Variants in ROBO2 observed in about 807,000 individuals in gnomAD.
The protein encoded by ROBO2 is roundabout guidance receptor 2.
In ROBO2, 53 loss-of-function variants were observed where a neutral mutation model predicts 160.8. That is an observed-to-expected ratio of 0.33 (90% CI 0.26 to 0.41). ROBO2 has a LOEUF of 0.41. Among genes scored for constraint, ROBO2 ranks in the 10% least tolerant of loss-of-function variants. The pLI is 1.00. For missense variants in ROBO2, 1,577 were observed against 1,722.4 expected (o/e 0.92, Z 1.49); for synonymous variants, 664 against 611.7 (o/e 1.09, Z -1.26).
At chr3:77,145,522 G>A (rs2077049778) in intron 2 of ROBO2, among the ~76,000 whole-genome samples, 1 of 152,006 alleles carries the variant, frequency 6.6e-6, no homozygotes, top group Non-Finnish European at 1.5e-5. Flanking sequence ...ATGTTAACTA[G>A]GCTAGGTTAA....
chr3:76,111,617 G>A (rs932703562), intron 2 of ROBO2, among the ~76,000 whole-genome samples: 2 of 151,992 alleles, frequency 1.3e-5, no homozygotes, highest in African/African-American at 4.8e-5. Context: ...AAACTGTATA[G>A]TAGTTTTCAT....
chr3:77,368,964 C>A (rs1213936766), intron 2 of ROBO2, among the ~76,000 whole-genome samples: 1 of 152,172 alleles, frequency 6.6e-6, no homozygotes, highest in Non-Finnish European at 1.5e-5. Flanking sequence ...GCATTCACTA[C>A]TTACGGGGGT....
chr3:76,304,706 T>TTTTC, intron 2 of ROBO2, among the ~76,000 whole-genome samples: 1 of 146,332 alleles, frequency 6.8e-6, no homozygotes, highest in African/African-American at 2.6e-5. Context: ...TGTTGTTTTA[T>TTTTC]TTTCTTTCTC....
intron 2 of ROBO2, among the ~76,000 whole-genome samples, chr3:76,746,531 T>G (rs1160754267): frequency 1.3e-5 from 2 of 152,098 alleles, no homozygotes; most frequent in African/African-American, 4.8e-5. Flanking sequence ...CCATTCTAAT[T>G]GGTGTGAGAT....
At chr3:77,066,892 A>G (rs2066903318) in intron 1 of ROBO2, among the ~76,000 whole-genome samples, 1 of 152,078 alleles carries the variant, frequency 6.6e-6, no homozygotes, top group African/African-American at 2.4e-5. Context: ...TTAAAAATCA[A>G]CACCCATTTT....
At chr3:76,699,189 T>C (rs1251439394) in intron 2 of ROBO2, among the ~76,000 whole-genome samples, 3 of 152,300 alleles carry the variant, frequency 2.0e-5, no homozygotes, top group African/African-American at 7.2e-5. Context: ...GTGAATATAT[T>C]GAGATCTTTT....
intron 2 of ROBO2, among the ~76,000 whole-genome samples, chr3:76,019,611 T>C (rs2066510747): frequency 6.6e-6 from 1 of 151,962 alleles, no homozygotes; most frequent in Admixed American, 6.6e-5. Context: ...CTTTATGGTC[T>C]CCTCACATGG....
At chr3:76,894,497 T>C (rs1270868254) in intron 2 of ROBO2, among the ~76,000 whole-genome samples, 6 of 152,316 alleles carry the variant, frequency 3.9e-5, no homozygotes, top group East Asian at 3.9e-4. Context: ...TGTAATTTTC[T>C]TTCCATTAAG....
chr3:77,583,101 C>A (rs901290385), intron 16 of ROBO2, among the ~76,000 whole-genome samples: 7 of 145,920 alleles, frequency 4.8e-5, no homozygotes, highest in Non-Finnish European at 8.9e-5. Context: ...GAGATCGTGC[C>A]ACCACACTCC....
At chr3:76,715,195 A>G (rs1040709162) in intron 2 of ROBO2, among the ~76,000 whole-genome samples, 3 of 152,154 alleles carry the variant, frequency 2.0e-5, no homozygotes, top group Non-Finnish European at 4.4e-5. Context: ...GTGTTCCCAC[A>G]GGATCTTATT....
intron 8 of ROBO2, 132 bp from the exon 10 acceptor site, chr3:77,557,812 T>C (rs2153658516): frequency 2.8e-6 from 2 of 718,258 alleles, no homozygotes; most frequent in East Asian, 2.7e-5. Context: ...ACCAAGAATA[T>C]ACATATTGCT....
At chr3:77,411,628 A>G (rs1243947224) in intron 2 of ROBO2, among the ~76,000 whole-genome samples, 1 of 152,200 alleles carries the variant, frequency 6.6e-6, no homozygotes. Flanking sequence ...GGTAAATTGA[A>G]CTTCTCCATT....
At chr3:76,559,054 A>G (rs1399262654) in intron 2 of ROBO2, among the ~76,000 whole-genome samples, 1 of 152,100 alleles carries the variant, frequency 6.6e-6, no homozygotes, top group African/African-American at 2.4e-5. Context: ...ACAGCACACG[A>G]AACAGATGGT....
chr3:76,311,995 G>T (rs773508760), intron 2 of ROBO2, among the ~76,000 whole-genome samples: 6 of 152,124 alleles, frequency 3.9e-5, no homozygotes, highest in Non-Finnish European at 8.8e-5. Flanking sequence ...AAAAATTATC[G>T]TGAGATGGGA....
At chr3:76,850,889 C>T (rs968132925) in intron 2 of ROBO2, among the ~76,000 whole-genome samples, 1 of 152,170 alleles carries the variant, frequency 6.6e-6, no homozygotes, top group Non-Finnish European at 1.5e-5. Flanking sequence ...TACAAAGTGT[C>T]TCTGCAACAA....
intron 2 of ROBO2, among the ~76,000 whole-genome samples, chr3:76,366,340 T>C (rs1489899174): frequency 6.6e-6 from 1 of 152,046 alleles, no homozygotes; most frequent in Non-Finnish European, 1.5e-5. Flanking sequence ...TTATCTCTAC[T>C]CTATATTTTC....
At chr3:77,451,787 A>G (rs1285787358) in intron 2 of ROBO2, among the ~76,000 whole-genome samples, 1 of 144,092 alleles carries the variant, frequency 6.9e-6, no homozygotes, top group Non-Finnish European at 1.5e-5. Flanking sequence ...TAATTTTTTT[A>G]TTATACTTTA....
intron 23 of ROBO2, among the ~76,000 whole-genome samples, chr3:77,623,495 T>A (rs2094942581): frequency 6.6e-6 from 1 of 152,212 alleles, no homozygotes; most frequent in Non-Finnish European, 1.5e-5. Flanking sequence ...TCAGCGCCTA[T>A]GATTTTCCTC....
chr3:76,787,417 A>G (rs940681969), intron 2 of ROBO2, among the ~76,000 whole-genome samples: 1 of 150,260 alleles, frequency 6.7e-6, no homozygotes, highest in Non-Finnish European at 1.5e-5. Flanking sequence ...GATTTGGCCC[A>G]TGGGTCATAG....
Sources: gnomAD v4.1 joint callset for allele counts (sites outside exome capture counted in the v4.1 genomes callset) on GRCh38, gnomAD v4.1.1 for gene constraint, MANE v1.5 for transcripts, NCBI Gene and HGNC (gene_info 2026-07-23, HGNC 2026-07-21) for gene names.